Variants in PTPRN2 observed in about 807,000 individuals in gnomAD.
PTPRN2 encodes the protein protein tyrosine phosphatase receptor type N2, also known as receptor-type tyrosine-protein phosphatase N2.
PTPRN2 carries 74 observed loss-of-function variants against 118.8 expected under a neutral mutation model. That is an observed-to-expected ratio of 0.62 (90% CI 0.52 to 0.76). PTPRN2 has a LOEUF of 0.76. Among genes scored for constraint, PTPRN2 ranks in the 30% least tolerant of loss-of-function variants. PTPRN2 has a pLI of 0.00. For missense variants in PTPRN2, 1,481 were observed against 1,394.4 expected, an observed-to-expected ratio of 1.06 and a Z score of -0.99; for synonymous variants, 641 against 608.0, an observed-to-expected ratio of 1.05 and a Z score of -0.80.
chr7:158,215,625 A>G (rs528065738), intron 3 of PTPRN2, among the ~76,000 whole-genome samples: 1 of 152,346 alleles, frequency 6.6e-6, no homozygotes, highest in East Asian at 1.9e-4. Context: ...CCAGAGAAAA[A>G]TGACAACTTA....
chr7:158,433,808 C>T (rs1816390867), intron 2 of PTPRN2, among the ~76,000 whole-genome samples: 1 of 152,174 alleles, frequency 6.6e-6, no homozygotes, highest in East Asian at 1.9e-4. Flanking sequence ...CTAATAAAAG[C>T]ATCTAAGGTT....
At chr7:158,376,411 G>T (rs1171732017) in intron 2 of PTPRN2, among the ~76,000 whole-genome samples, 1 of 133,096 alleles carries the variant, frequency 7.5e-6, no homozygotes, top group Non-Finnish European at 1.6e-5. Flanking sequence ...ACTCCCCCAT[G>T]GCCCTGTCAT....
At chr7:158,205,404 A>G in intron 3 of PTPRN2, 131 bp from the exon 4 acceptor site, 1 of 647,950 alleles carries the variant, frequency 1.5e-6, no homozygotes, top group Non-Finnish European at 2.7e-6. Context: ...CCTCCCTCTC[A>G]CTGCAGTTTA....
intron 12 of PTPRN2, among the ~76,000 whole-genome samples, chr7:157,757,621 G>A (rs1801870853): frequency 6.6e-6 from 1 of 151,412 alleles, no homozygotes. Flanking sequence ...TCGAAGCCGT[G>A]CGTCTTTCAC....
chr7:158,071,158 C>CGTG (rs1554528010), intron 11 of PTPRN2, among the ~76,000 whole-genome samples: 5 of 24,866 alleles, frequency 2.0e-4, no homozygotes, highest in Non-Finnish European at 3.6e-4. Context: ...TGGAGGTGCT[C>CGTG]GTGGTGGAGG....
rs1408747482 is a variant in PTPRN2, at chr7:157,794,446, T to C, written c.1788+104227A>G. On this transcript the variant is annotated intron_variant, in intron 12 of 22. Transcript: ENST00000389418. This position sits in a 1 kb window ranked among gnomAD's most constrained non-coding sequence, Gnocchi z 5.2. ...ATGGCAGCTTCCCTCTGAAAGCCCA[T>C]TGTGTCTGCCCCTATTCTTTGAAGC... Among the ~76,000 whole-genome samples the C allele has an allele frequency of 6.6e-6, 1 of 152,190 alleles. No individual in the cohort carries two copies. Among genetic ancestry groups the C allele is most frequent in the East Asian group, 1.9e-4 (1 of 5,194 alleles).
At chr7:158,401,121 C>T (rs944997044) in intron 2 of PTPRN2, among the ~76,000 whole-genome samples, 6 of 152,136 alleles carry the variant, frequency 3.9e-5, no homozygotes, top group African/African-American at 9.7e-5. Flanking sequence ...GGCCTGATGA[C>T]GGAGGCAGCA....
At chr7:158,396,442 G>A (rs969353159) in intron 2 of PTPRN2, among the ~76,000 whole-genome samples, 7 of 152,136 alleles carry the variant, frequency 4.6e-5, no homozygotes, top group African/African-American at 1.7e-4. Context: ...GCATGAATGT[G>A]TCACGTGTGT....
chr7:158,078,847 T>G (rs1036643705), intron 11 of PTPRN2, among the ~76,000 whole-genome samples: 5 of 152,220 alleles, frequency 3.3e-5, no homozygotes, highest in African/African-American at 1.2e-4. Flanking sequence ...GGGTTTTTTT[T>G]GTTTCTTTGT....
intron 2 of PTPRN2, among the ~76,000 whole-genome samples, chr7:158,396,154 G>A (rs1348716870): frequency 6.6e-6 from 1 of 152,184 alleles, no homozygotes; most frequent in African/African-American, 2.4e-5. Context: ...CCAGTGCCAC[G>A]TGGGCTGAGG....
At chr7:158,168,480 C>T (rs1439282168) in intron 5 of PTPRN2, among the ~76,000 whole-genome samples, 1 of 152,180 alleles carries the variant, frequency 6.6e-6, no homozygotes, top group Non-Finnish European at 1.5e-5. Context: ...TTTATTTTAA[C>T]CCTGAAAAGC....
rs758624816 is a variant in PTPRN2, at chr7:157,610,562, C to T, written c.2345-6487G>A. Among the ~76,000 whole-genome samples the T allele has an allele frequency of 7.2e-5, 11 of 152,204 alleles. No individual in the cohort carries two copies. The highest frequency in any genetic ancestry group is 1.2e-4 in the Non-Finnish European group (8 of 68,034). Reference sequence around the variant, plus strand: ...AGGTCTGAGGGCTGCAAAGGCACATCCCGGGGCTGCTGGCCGTCAGCAAGG... The same window carrying T: ...AGGTCTGAGGGCTGCAAAGGCACATTCCGGGGCTGCTGGCCGTCAGCAAGG... On this transcript the variant is annotated intron_variant, in intron 15 of 22. Coordinates refer to ENST00000389418, the MANE Select transcript of PTPRN2 (RefSeq NM_002847.5). The surrounding 1 kb of genome is among the most constrained non-coding windows in gnomAD (Gnocchi z 5.1).
chr7:158,524,690 G>C (rs1824637584), intron 1 of PTPRN2, among the ~76,000 whole-genome samples: 1 of 152,116 alleles, frequency 6.6e-6, no homozygotes. Flanking sequence ...TCAGGTTTTT[G>C]CAGGAAAAAT....
At chr7:157,767,162 T>C (rs2151018770) in intron 12 of PTPRN2, among the ~76,000 whole-genome samples, 1 of 152,284 alleles carries the variant, frequency 6.6e-6, no homozygotes, top group Middle Eastern at 3.4e-3. Flanking sequence ...GTACTGAGCT[T>C]CCCTGGCTGC....
At chr7:158,266,399 T>C (rs111732526) in intron 3 of PTPRN2, among the ~76,000 whole-genome samples, 2,511 of 117,400 alleles carry the variant, frequency 0.021, 33 homozygotes, top group East Asian at 0.049. Flanking sequence ...CTGGGGACGG[T>C]GTCTGCTGCG....
intron 14 of PTPRN2, among the ~76,000 whole-genome samples, chr7:157,643,627 C>T (rs1168120759): frequency 2.0e-5 from 3 of 152,220 alleles, no homozygotes; most frequent in Non-Finnish European, 2.9e-5. Flanking sequence ...ACTGCTCCCC[C>T]GACGGAGCCC....
At chr7:158,367,618 A>G (rs1302286776) in intron 2 of PTPRN2, among the ~76,000 whole-genome samples, 1 of 152,194 alleles carries the variant, frequency 6.6e-6, no homozygotes, top group African/African-American at 2.4e-5. Context: ...ATTACGTTGT[A>G]AGTGAGCCTC....
intron 12 of PTPRN2, among the ~76,000 whole-genome samples, chr7:157,851,808 C>T (rs561825997): frequency 5.5e-4 from 84 of 152,356 alleles, no homozygotes; most frequent in African/African-American, 1.9e-3. Context: ...ATGTGAGACG[C>T]TCACATGGCA....
intron 2 of PTPRN2, among the ~76,000 whole-genome samples, chr7:158,400,354 T>C (rs1812840600): frequency 6.6e-6 from 1 of 152,280 alleles, no homozygotes; most frequent in Non-Finnish European, 1.5e-5. Flanking sequence ...TGGAGCAGCA[T>C]TCTGGCTTTG....
Sources: allele counts gnomAD v4.1 joint callset (sites outside exome capture counted in the v4.1 genomes callset), GRCh38; gene constraint gnomAD v4.1.1; non-coding constraint Gnocchi (gnomAD v3.1); transcripts MANE v1.5; gene names NCBI Gene and HGNC (gene_info 2026-07-23, HGNC 2026-07-21).